Variants in TRPC5 observed in about 807,000 individuals in gnomAD.
TRPC5 encodes short transient receptor potential channel 5.
Under a neutral mutation model 56.5 loss-of-function variants are expected in TRPC5, and 9 were observed. The observed-to-expected ratio is 0.16, with a 90% CI of 0.10 to 0.28. TRPC5 has a LOEUF of 0.28. TRPC5 is among the 10% of genes least tolerant of loss of function. The pLI is 1.00. For synonymous variants in TRPC5, 282 were observed against 278.5 expected, an observed-to-expected ratio of 1.01 and a Z score of -0.13; for missense variants, 469 against 748.9, an observed-to-expected ratio of 0.63 and a Z score of 4.36.
At chrX:112,041,260 A>T (rs775016902) in intron 1 of TRPC5, among the ~76,000 whole-genome samples, 4 of 112,286 alleles carry the variant, frequency 3.6e-5, no homozygotes, top group Non-Finnish European at 7.5e-5. Flanking sequence ...GCACAAGAGC[A>T]TAAGTGATGT....
At chrX:111,853,678 A>T (rs1923147300) in intron 4 of TRPC5, 92 bp downstream of exon 4, 2 of 897,747 alleles carry the variant, frequency 2.2e-6, no homozygotes, top group East Asian at 3.1e-5. Flanking sequence ...GGGGTGCCCT[A>T]GTTCAGAGCT....
At chrX:111,941,162 A>G (rs745722120) in intron 2 of TRPC5, among the ~76,000 whole-genome samples, 9 of 111,788 alleles carry the variant, frequency 8.1e-5, no homozygotes, top group Non-Finnish European at 1.9e-5. Context: ...TCCTACTCCA[A>G]CCGTTCCTTC....
In TRPC5 at chrX:112,006,361, T is replaced by C. The variant is rs112007250; in HGVS notation, c.-21-53920A>G. On this transcript the variant is annotated intron_variant, in intron 1 of 10. Coordinates refer to ENST00000262839, the MANE Select transcript of TRPC5 (RefSeq NM_012471.3). ...AAATAATATTAGTAACTAATACTTATTTAGTGTTTACTAAGGGCCGGCCAG... is the reference window on the plus strand; with the variant it reads ...AAATAATATTAGTAACTAATACTTACTTAGTGTTTACTAAGGGCCGGCCAG... Among the ~76,000 whole-genome samples, 745 of 112,179 alleles carry C rather than the reference T, an allele frequency of 6.6e-3. 4 individuals are homozygous for C. Among genetic ancestry groups the C allele is most frequent in the African/African-American group, 0.022 (690 of 30,873 alleles).
intron 1 of TRPC5, among the ~76,000 whole-genome samples, chrX:112,061,921 G>C (rs1001438102): frequency 6.2e-5 from 7 of 112,112 alleles, no homozygotes; most frequent in African/African-American, 2.3e-4. Flanking sequence ...TAGTTCTCCT[G>C]TCTAAAACCA....
chrX:112,081,792 C>G lies in TRPC5; in HGVS notation c.-22+87G>C, dbSNP rs145706909. 863 of 112,486 alleles carry G rather than the reference C, an allele frequency of 7.7e-3. 4 individuals are homozygous for G. The highest frequency in any genetic ancestry group is 0.028 in the Middle Eastern group (6 of 217). The allele number at this position is 112,486 out of a possible 1,213,427, so 9.3% of individuals were successfully genotyped here. A position where few individuals can be genotyped will look rare whatever the true frequency, so the allele number is the denominator to read the frequency against. On this transcript the variant is annotated intron_variant, in intron 1 of 10. Transcript: ENST00000262839. ...TTCTCCGCCTACAGCAGCCCAGCATCTTCATTCAACCCGCACTTCGCTGCC... is the reference window on the plus strand; with the variant it reads ...TTCTCCGCCTACAGCAGCCCAGCATGTTCATTCAACCCGCACTTCGCTGCC...
chrX:111,772,829 A>G lies in TRPC5; in HGVS notation c.*3484T>C, dbSNP rs1393502999. ...ACAAACCAAGGTCTGGGGCACTAAA[A>G]CTATTAGTCAAAACACCACACGAGA... On this transcript the variant is annotated 3_prime_UTR_variant, in exon 11 of 11. Coordinates refer to ENST00000262839, the MANE Select transcript of TRPC5 (RefSeq NM_012471.3). Among the ~76,000 whole-genome samples, 3 of 110,768 alleles carry G rather than the reference A, an allele frequency of 2.7e-5. No homozygotes were observed. The highest frequency in any genetic ancestry group is 5.7e-5 in the Non-Finnish European group (3 of 53,004).
At chrX:112,037,032 T>C (rs977884183) in intron 1 of TRPC5, among the ~76,000 whole-genome samples, 2 of 112,200 alleles carry the variant, frequency 1.8e-5, no homozygotes, top group Non-Finnish European at 3.8e-5. Context: ...GGTGACTAAA[T>C]TGCAGTCTTC....
At chrX:111,963,980 CTT>C (rs975283989) in intron 1 of TRPC5, among the ~76,000 whole-genome samples, 2 of 112,038 alleles carry the variant, frequency 1.8e-5, no homozygotes, top group African/African-American at 6.5e-5. Flanking sequence ...CGGAGAATGA[CTT>C]TGACGAGTTG....
chrX:111,859,916 G>C (rs989032758), intron 3 of TRPC5, among the ~76,000 whole-genome samples: 2 of 112,642 alleles, frequency 1.8e-5, no homozygotes, highest in African/African-American at 6.4e-5. Flanking sequence ...TTGTTTGTTT[G>C]TTTGTTTTTT....
chrX:111,868,687 A>T, intron 3 of TRPC5, among the ~76,000 whole-genome samples: 1 of 111,920 alleles, frequency 8.9e-6, no homozygotes, highest in East Asian at 2.8e-4. Flanking sequence ...GGAAAAGAAA[A>T]TTTGAAGGGT....
intron 1 of TRPC5, among the ~76,000 whole-genome samples, chrX:111,962,174 C>T (rs1471614230): frequency 1.8e-5 from 2 of 111,208 alleles, no homozygotes; most frequent in African/African-American, 6.6e-5. Context: ...GAAGCCCATT[C>T]CCCACCAGTA....
chrX:111,829,413 A>G lies in TRPC5; in HGVS notation c.1896+5508T>C, dbSNP rs770073104. 4.5e-4 allele frequency among the ~76,000 whole-genome samples: 50 copies of G among 111,316 alleles called. 1 individual carries two copies. Among genetic ancestry groups the G allele is most frequent in the Non-Finnish European group, 8.1e-4 (43 of 52,981 alleles). On this transcript the variant is annotated intron_variant, in intron 7 of 10. Transcript: ENST00000262839. ...ATTCAAGCCAGCTGGATAAATTTGC[A>G]TAAGTAATGAGGAGGTGAATGTTAA...
chrX:111,970,712 C>A (rs1172408181), intron 1 of TRPC5, among the ~76,000 whole-genome samples: 4 of 109,956 alleles, frequency 3.6e-5, no homozygotes, highest in Non-Finnish European at 1.9e-5. Flanking sequence ...AATTAGGAGA[C>A]GTGGATTGTA....
chrX:111,937,051 T>C (rs1287273972), intron 2 of TRPC5, among the ~76,000 whole-genome samples: 5 of 105,776 alleles, frequency 4.7e-5, no homozygotes, highest in African/African-American at 1.8e-4. Flanking sequence ...TGGTGTGAGG[T>C]GGTATCTCAT....
intron 1 of TRPC5, among the ~76,000 whole-genome samples, chrX:111,997,173 A>G (rs1430768385): frequency 9.0e-6 from 1 of 111,247 alleles, no homozygotes; most frequent in Non-Finnish European, 1.9e-5. Context: ...TTCCTTCAGG[A>G]GCTCTTGTAA....
intron 1 of TRPC5, among the ~76,000 whole-genome samples, chrX:112,074,564 C>T (rs1930791250): frequency 1.8e-5 from 2 of 110,917 alleles, no homozygotes. Flanking sequence ...AAATCCAGCA[C>T]AGCCTGAACA....
rs183188270 is a variant in TRPC5, at chrX:111,773,073, C to T, written c.*3240G>A. 5.4e-5 allele frequency among the ~76,000 whole-genome samples: 6 copies of T among 111,502 alleles called. No homozygotes were observed. Among genetic ancestry groups the T allele is most frequent in the East Asian group, 5.7e-4 (2 of 3,479 alleles). On this transcript the variant is annotated 3_prime_UTR_variant, in exon 11 of 11. Coordinates refer to ENST00000262839, the MANE Select transcript of TRPC5 (RefSeq NM_012471.3). ...TAATCAAATTGCAGACAGGTATTTACGACTTAGCTGAAATAGCCTAAGTTA... is the reference window on the plus strand; with the variant it reads ...TAATCAAATTGCAGACAGGTATTTATGACTTAGCTGAAATAGCCTAAGTTA...
At chrX:112,032,215 G>A (rs1041669544) in intron 1 of TRPC5, among the ~76,000 whole-genome samples, 1 of 110,677 alleles carries the variant, frequency 9.0e-6, no homozygotes, top group Non-Finnish European at 1.9e-5. Flanking sequence ...ACTCCAGTCA[G>A]AATGGCTACT....
chrX:111,861,211 A>G (rs1410466810), intron 3 of TRPC5, among the ~76,000 whole-genome samples: 1 of 112,226 alleles, frequency 8.9e-6, no homozygotes, highest in Non-Finnish European at 1.9e-5. Flanking sequence ...TAAGATTTTT[A>G]CATACCTGTT....
Sources: gnomAD v4.1 joint callset for allele counts (sites outside exome capture counted in the v4.1 genomes callset) on GRCh38, gnomAD v4.1.1 for gene constraint, MANE v1.5 for transcripts, NCBI Gene and HGNC (gene_info 2026-07-23, HGNC 2026-07-21) for gene names.